The following WDR37 variants were observed in gnomAD, a reference collection of about 807,000 sequenced individuals.
The protein encoded by WDR37 is WD repeat domain 37, also known as WD repeat-containing protein 37.
WDR37 carries 19 observed loss-of-function variants against 62.9 expected under a neutral mutation model. That is an observed-to-expected ratio of 0.30 (90% CI 0.21 to 0.44). The LOEUF (loss-of-function observed/expected upper bound fraction) is 0.44, where lower values mean the gene tolerates loss of function less well. WDR37 is among the 20% of genes least tolerant of loss of function. WDR37 has a pLI of 1.00. For missense variants in WDR37, 474 were observed against 657.6 expected (o/e 0.72, Z 3.05); for synonymous variants, 250 against 260.9 (o/e 0.96, Z 0.40).
At chr10:1,094,267 G>T (rs1158336815) in intron 8 of WDR37, among the ~76,000 whole-genome samples, 1 of 152,210 alleles carries the variant, frequency 6.6e-6, no homozygotes, top group East Asian at 1.9e-4. Context: ...AGTGGACATG[G>T]CTGTGTCCAC....
In WDR37 at chr10:1,126,399, G is replaced by A. The variant is rs7101282; in HGVS notation, c.1353+1375G>A. On this transcript the variant is annotated intron_variant, in intron 13 of 13. Transcript: ENST00000263150. ...CCAGCCTGGGCGACAGAGCGAGACT[G>A]TGTCTCAGAAAAAAAAAAAAGAAAC... Among the ~76,000 whole-genome samples the A allele has an allele frequency of 3.1e-4, 45 of 146,934 alleles. No homozygotes were observed. In the South Asian group the frequency reaches 4.2e-3, roughly 14 times the overall value.
intron 2 of WDR37, among the ~76,000 whole-genome samples, chr10:1,075,104 C>T (rs923489547): frequency 2.6e-5 from 4 of 152,082 alleles, no homozygotes; most frequent in African/African-American, 9.7e-5. Flanking sequence ...TTGAATGGCA[C>T]AGAAAGGGAG....
At chr10:1,079,987 T>C (rs745962058) in intron 3 of WDR37, 24 bp from the exon 4 acceptor site, 1 of 1,609,506 alleles carries the variant, frequency 6.2e-7, no homozygotes, top group South Asian at 1.1e-5. Flanking sequence ...TACTTTAGAT[T>C]TTTGAAAACT....
chr10:1,111,645 T>C (rs1289279088), intron 11 of WDR37, among the ~76,000 whole-genome samples: 2 of 152,220 alleles, frequency 1.3e-5, no homozygotes, highest in Non-Finnish European at 2.9e-5. Context: ...CTTTCCACTC[T>C]GTGTTGTGGC....
chr10:1,102,208 C>T lies in WDR37; in HGVS notation c.727-1394C>T, dbSNP rs1233444881. The stretch of plus-strand genomic sequence containing the variant: ...GCTGTGTGTCCATGTGACGTGTTGC[C>T]GTGCTGCTGTGCGTCCCTGCGACGT... On this transcript the variant is annotated intron_variant, in intron 9 of 13. Coordinates refer to ENST00000263150, the MANE Select transcript of WDR37 (RefSeq NM_014023.4). Among the ~76,000 whole-genome samples, 5 of 150,094 alleles carry T rather than the reference C, an allele frequency of 3.3e-5. No individual in the cohort carries two copies. The East Asian group carries it at 5.9e-4, about 18-fold the overall frequency.
At chr10:1,099,817 TGGC>T (rs926726697) in intron 9 of WDR37, among the ~76,000 whole-genome samples, 3 of 150,216 alleles carry the variant, frequency 2.0e-5, no homozygotes, top group Non-Finnish European at 4.4e-5. Context: ...TGTGCACTAA[TGGC>T]GGGCATGGTG....
At chr10:1,125,138 G>A in intron 13 of WDR37, 114 bp downstream of exon 13, 1 of 1,469,204 alleles carries the variant, frequency 6.8e-7, no homozygotes, top group Non-Finnish European at 9.1e-7. Flanking sequence ...CCTTGGAAAT[G>A]CTTGAGCTGT....
At chr10:1,078,071 A>C in intron 3 of WDR37, 68 bp downstream of exon 3, 1 of 1,202,720 alleles carries the variant, frequency 8.3e-7, no homozygotes, top group Non-Finnish European at 1.2e-6. Flanking sequence ...ATGAATAGAC[A>C]TTCATCACTA....
intron 9 of WDR37, among the ~76,000 whole-genome samples, chr10:1,096,928 C>A (rs1239514302): frequency 6.6e-6 from 1 of 152,110 alleles, no homozygotes; most frequent in Non-Finnish European, 1.5e-5. Context: ...GTATCATAGA[C>A]AGAATGTTGT....
In WDR37 at chr10:1,127,832, G is replaced by A. The variant is rs142700793; in HGVS notation, c.1354-1381G>A. On this transcript the variant is annotated intron_variant, in intron 13 of 13. Coordinates refer to ENST00000263150, the MANE Select transcript of WDR37 (RefSeq NM_014023.4). ...CTCATGACGGCATGGGGCGTCTTCC[G>A]GGTGCATCTGCTTCCTGGGTGGCAA... Among the ~76,000 whole-genome samples the A allele has an allele frequency of 2.3e-3, 343 of 152,362 alleles. 2 individuals are homozygous for A. The highest frequency in any genetic ancestry group is 7.7e-3 in the African/African-American group (319 of 41,588).
chr10:1,120,184 A>C (rs1452417677), intron 11 of WDR37, among the ~76,000 whole-genome samples: 2 of 152,200 alleles, frequency 1.3e-5, no homozygotes, highest in African/African-American at 4.8e-5. Context: ...GGTGATGAGA[A>C]AGGCCGGGAT....
At chr10:1,091,019 C>T (rs1834369291) in intron 7 of WDR37, among the ~76,000 whole-genome samples, 1 of 152,194 alleles carries the variant, frequency 6.6e-6, no homozygotes, top group Non-Finnish European at 1.5e-5. Context: ...GTTATACAGG[C>T]GTGGTTTTCA....
intron 7 of WDR37, among the ~76,000 whole-genome samples, chr10:1,087,337 G>T (rs997156708): frequency 2.6e-5 from 4 of 152,210 alleles, no homozygotes; most frequent in African/African-American, 9.6e-5. Context: ...TGTGATTGGT[G>T]CTCAAATGTA....
At position 1,073,379 on chromosome 10, in the gene WDR37, C is replaced by T. The variant is rs74120413; in HGVS notation, c.138+1086C>T. ...TAACTTTATGCCAGGACTTCGAGGC[C>T]GGGACCTCTACACTGAATACAGCAG... On this transcript the variant is annotated intron_variant, in intron 2 of 13. Transcript: ENST00000263150. 5.9e-3 allele frequency among the ~76,000 whole-genome samples: 905 copies of T among 152,166 alleles called. 13 individuals are homozygous for T. Among genetic ancestry groups the T allele is most frequent in the African/African-American group, 0.02 (842 of 41,510 alleles).
intron 11 of WDR37, among the ~76,000 whole-genome samples, chr10:1,116,826 A>G (rs1445855428): frequency 2.6e-5 from 4 of 151,802 alleles, no homozygotes; most frequent in African/African-American, 9.7e-5. Flanking sequence ...TCTTGTGACC[A>G]CAGAAACTGC....
At chr10:1,065,893 CT>C (rs35577994) in intron 1 of WDR37, among the ~76,000 whole-genome samples, 9,996 of 145,116 alleles carry the variant, frequency 0.069, 535 homozygotes, top group African/African-American at 0.16. Flanking sequence ...TAAAACTGTC[CT>C]TTTTTTTTTT....
intron 11 of WDR37, among the ~76,000 whole-genome samples, chr10:1,123,027 C>T (rs1195277467): frequency 3.3e-5 from 5 of 152,080 alleles, no homozygotes; most frequent in Non-Finnish European, 7.4e-5. Flanking sequence ...ACCTTTCTTC[C>T]CCCTCTCTTC....
At chr10:1,128,080 T>C (rs1213054191) in intron 13 of WDR37, among the ~76,000 whole-genome samples, 2 of 152,266 alleles carry the variant, frequency 1.3e-5, no homozygotes, top group Non-Finnish European at 2.9e-5. Flanking sequence ...GTCTTTCTTA[T>C]AATTATTTTA....
chr10:1,106,614 T>C (rs1285060684), intron 11 of WDR37, among the ~76,000 whole-genome samples: 1 of 152,042 alleles, frequency 6.6e-6, no homozygotes, highest in Non-Finnish European at 1.5e-5. Context: ...CCTCCCGGGT[T>C]CAAGCGATTC....
Sources: allele counts gnomAD v4.1 joint callset (sites outside exome capture counted in the v4.1 genomes callset), GRCh38; gene constraint gnomAD v4.1.1; transcripts MANE v1.5; gene names NCBI Gene and HGNC (gene_info 2026-07-23, HGNC 2026-07-21).